FAM135B: variants seen among roughly 807,000 people sequenced by gnomAD.
FAM135B encodes family with sequence similarity 135 member B.
FAM135B carries 43 observed loss-of-function variants against 127.7 expected under a neutral mutation model. That is an observed-to-expected ratio of 0.34 (90% confidence interval 0.26 to 0.43). The LOEUF is 0.43. Ranked by LOEUF, FAM135B falls within the 20% of genes least tolerant of loss-of-function variation. The pLI is 1.00. For missense variants in FAM135B, 1,558 were observed against 1,725.6 expected (o/e 0.90, Z 1.72); for synonymous variants, 670 against 665.1 (o/e 1.01, Z -0.11).
intron 9 of FAM135B, among the ~76,000 whole-genome samples, chr8:138,187,748 A>G (rs2131053568): frequency 6.6e-6 from 1 of 152,328 alleles, no homozygotes; most frequent in Middle Eastern, 3.4e-3. Context: ...ATGCTAATTG[A>G]GCCTGTGCCA....
Position 138,248,544 on chromosome 8 carries a change from G to A in FAM135B, c.542+2297C>T, listed in dbSNP as rs1821456838. The stretch of plus-strand genomic sequence containing the variant: ...CTCATTTTTAAAAAATTTCGGCTGG[G>A]TGCAGTGGCTCACACCTATAATCCT... On this transcript the variant is annotated intron_variant, in intron 6 of 19. Transcript: ENST00000395297. Among the ~76,000 whole-genome samples, 3 of 152,248 alleles carry A rather than the reference G, an allele frequency of 2.0e-5. No individual in the cohort carries two copies. The South Asian group carries it at 6.2e-4, about 32-fold the overall frequency.
chr8:138,210,249 T>C (rs1429187665), intron 7 of FAM135B, among the ~76,000 whole-genome samples: 2 of 152,188 alleles, frequency 1.3e-5, no homozygotes, highest in African/African-American at 2.4e-5. Flanking sequence ...ATTTTAATTA[T>C]ACAAGGCATT....
At chr8:138,287,527 A>G (rs1824788323) in intron 3 of FAM135B, among the ~76,000 whole-genome samples, 1 of 151,180 alleles carries the variant, frequency 6.6e-6, no homozygotes, top group African/African-American at 2.4e-5. Flanking sequence ...CCTTAGAGAA[A>G]CCTTTCACAT....
At chr8:138,293,610 G>C (rs766084886) in intron 3 of FAM135B, among the ~76,000 whole-genome samples, 1 of 152,064 alleles carries the variant, frequency 6.6e-6, no homozygotes, top group Non-Finnish European at 1.5e-5. Flanking sequence ...TTTCTCAAAA[G>C]AAGATACACA....
rs1825813671 is a variant in FAM135B at position 138,300,615 on chromosome 8, TCCA to T, written c.157+10223_157+10225del. 2.6e-5 allele frequency among the ~76,000 whole-genome samples: 4 copies of T among 152,270 alleles called. No homozygotes were observed. The South Asian group carries it at 8.3e-4, about 32-fold the overall frequency. On this transcript the variant is annotated intron_variant, in intron 3 of 19. Coordinates refer to ENST00000395297, the MANE Select transcript of FAM135B (RefSeq NM_015912.4). ...AAGAAAAGACTAAATCATGTAATTATCCATCATTAGTATCAACCTATTAGCTAC... is the reference window on the plus strand; with the variant it reads ...AAGAAAAGACTAAATCATGTAATTATTCATTAGTATCAACCTATTAGCTAC...
chr8:138,134,586 G>A lies in FAM135B; in HGVS notation c.4016-1788C>T, dbSNP rs1382408108. Among the ~76,000 whole-genome samples the A allele has an allele frequency of 2.0e-5, 3 of 152,004 alleles. No homozygotes were observed. In the East Asian group the frequency reaches 5.8e-4, roughly 29 times the overall value. ...TGGGATAGGGGCAAATTATCTACATGACAATGTAGAGAATAAATTGGAAGG... is the reference window on the plus strand; with the variant it reads ...TGGGATAGGGGCAAATTATCTACATAACAATGTAGAGAATAAATTGGAAGG... On this transcript the variant is annotated intron_variant, in intron 19 of 19. Coordinates refer to ENST00000395297, the MANE Select transcript of FAM135B (RefSeq NM_015912.4).
intron 7 of FAM135B, among the ~76,000 whole-genome samples, chr8:138,203,891 A>T (rs1194026682): frequency 1.3e-5 from 2 of 152,158 alleles, no homozygotes; most frequent in Non-Finnish European, 2.9e-5. Context: ...ACAGATCATC[A>T]GGTATTAGAT....
At chr8:138,327,674 G>T (rs1393000983) in intron 2 of FAM135B, among the ~76,000 whole-genome samples, 1 of 152,206 alleles carries the variant, frequency 6.6e-6, no homozygotes, top group Non-Finnish European at 1.5e-5. Context: ...CAGTGGCTGA[G>T]AACACAAGAA....
intron 12 of FAM135B, among the ~76,000 whole-genome samples, chr8:138,161,314 A>G (rs941407034): frequency 6.6e-6 from 1 of 151,752 alleles, no homozygotes; most frequent in African/African-American, 2.4e-5. Context: ...ATCTCTCTCA[A>G]TCTCTTCTCA....
At chr8:138,463,812 GA>G (rs1587515155) in intron 1 of FAM135B, among the ~76,000 whole-genome samples, 1 of 152,262 alleles carries the variant, frequency 6.6e-6, no homozygotes, top group East Asian at 1.9e-4. Context: ...CAATCCTGAG[GA>G]GAAGGGTCGA....
chr8:138,311,254 T>C (rs949852132), intron 2 of FAM135B, among the ~76,000 whole-genome samples: 11 of 152,342 alleles, frequency 7.2e-5, no homozygotes, highest in Admixed American at 2.6e-4. Context: ...AAGGTTATTG[T>C]TATAGGAAAG....
intron 1 of FAM135B, among the ~76,000 whole-genome samples, chr8:138,487,986 AGAGT>A (rs1347285166): frequency 6.6e-6 from 1 of 151,904 alleles, no homozygotes; most frequent in Non-Finnish European, 1.5e-5. Flanking sequence ...CCTTGGAGAC[AGAGT>A]GAGACTCTCT....
intron 9 of FAM135B, among the ~76,000 whole-genome samples, chr8:138,194,743 A>G (rs997759067): frequency 6.6e-6 from 1 of 152,218 alleles, no homozygotes; most frequent in Non-Finnish European, 1.5e-5. Context: ...AGGGGGATGT[A>G]AAAGTGTTCC....
At chr8:138,457,758 G>A (rs1402456732) in intron 1 of FAM135B, among the ~76,000 whole-genome samples, 2 of 152,112 alleles carry the variant, frequency 1.3e-5, no homozygotes, top group Non-Finnish European at 2.9e-5. Flanking sequence ...AATCGGATGA[G>A]GTCAGGAGTT....
intron 6 of FAM135B, among the ~76,000 whole-genome samples, chr8:138,246,161 T>G (rs1586874964): frequency 6.6e-6 from 1 of 152,262 alleles, no homozygotes. Flanking sequence ...TGCAGCCTGA[T>G]GATGCAATAA....
intron 3 of FAM135B, among the ~76,000 whole-genome samples, chr8:138,293,350 T>C (rs1402271053): frequency 6.6e-6 from 1 of 152,072 alleles, no homozygotes; most frequent in Non-Finnish European, 1.5e-5. Context: ...TGCAAAGACT[T>C]TATGACAAAG....
chr8:138,328,205 C>T (rs1204980672), intron 2 of FAM135B, among the ~76,000 whole-genome samples: 4 of 152,090 alleles, frequency 2.6e-5, no homozygotes, highest in Admixed American at 6.6e-5. Context: ...TTGCATATCT[C>T]TACACATGAG....
chr8:138,416,046 A>AT (rs1416999198), intron 1 of FAM135B, among the ~76,000 whole-genome samples: 1 of 151,906 alleles, frequency 6.6e-6, no homozygotes, highest in African/African-American at 2.4e-5. Flanking sequence ...CTGGTCCTCA[A>AT]TTTTTTGCCC....
intron 1 of FAM135B, among the ~76,000 whole-genome samples, chr8:138,368,425 G>A (rs536437388): frequency 6.6e-6 from 1 of 152,292 alleles, no homozygotes; most frequent in African/African-American, 2.4e-5. Flanking sequence ...TGTAACGTGA[G>A]GACTGGTAAT....
Sources: gnomAD v4.1 joint callset for allele counts (sites outside exome capture counted in the v4.1 genomes callset) on GRCh38, gnomAD v4.1.1 for gene constraint, MANE v1.5 for transcripts, NCBI Gene and HGNC (gene_info 2026-07-23, HGNC 2026-07-21) for gene names.